The following POLR3C variants were observed in gnomAD, a reference collection of about 807,000 sequenced individuals.
The protein encoded by POLR3C is DNA-directed RNA polymerase III subunit RPC3.
Under a neutral mutation model 65.9 loss-of-function variants are expected in POLR3C, and 44 were observed. That is an observed-to-expected ratio of 0.67 (90% CI 0.52 to 0.86). POLR3C has a LOEUF of 0.86. POLR3C is among the 40% of genes least tolerant of loss of function. POLR3C has a pLI of 0.00. For missense variants in POLR3C, 576 were observed against 653.2 expected (o/e 0.88, Z 1.29); for synonymous variants, 263 against 231.6 (o/e 1.14, Z -1.23).
In POLR3C at chr1:145,825,844, A is replaced by G; in HGVS notation, c.68A>G (p.Lys23Arg). 1 of 1,613,518 alleles carries G rather than the reference A, an allele frequency of 6.2e-7. No homozygotes were observed. The highest frequency in any genetic ancestry group is 8.5e-7 in the Non-Finnish European group (1 of 1,179,392). ...LQEHFGEIVE[K>R]IGVHLIRTGS... is the part of the protein sequence containing the mutation. The stretch of plus-strand genomic sequence containing the variant: ...GAGCATTTTGGAGAGATTGTAGAAA[A>G]AATTGGAGTCCATCTGATAAGAACC... Residue 23 changes from lysine (K) to arginine (R), a missense_variant, in exon 2 of 15, where the codon AAA becomes AGA. Physicochemically the swap from Lys to Arg is conservative, Grantham distance 26. Transcript: ENST00000334163.
intron 5 of POLR3C, 29 bp from the exon 6 acceptor site, chr1:145,833,231 C>T (rs1366396352): frequency 7.3e-7 from 1 of 1,368,738 alleles, no homozygotes; most frequent in African/African-American, 1.4e-5. Context: ...TACACTATAG[C>T]TAAATGTTTC....
chr1:145,827,603 C>A (rs1553726171), intron 4 of POLR3C, among the ~76,000 whole-genome samples: 2 of 151,772 alleles, frequency 1.3e-5, no homozygotes, highest in Non-Finnish European at 2.9e-5. Flanking sequence ...ACTAAAAATA[C>A]AAAAAATTAG....
chr1:145,827,627 C>T (rs587675182), intron 4 of POLR3C, among the ~76,000 whole-genome samples: 1 of 151,928 alleles, frequency 6.6e-6, no homozygotes, highest in East Asian at 1.9e-4. Flanking sequence ...GGTGTGGTGG[C>T]GGGCATCTGT....
At chr1:145,833,184 G>T in intron 5 of POLR3C, 76 bp from the exon 6 acceptor site, 1 of 813,432 alleles carries the variant, frequency 1.2e-6, no homozygotes, top group South Asian at 1.6e-5. Context: ...AAAAGAAATG[G>T]TGAACCATTA....
chr1:145,832,133 TTAAATA>T (rs1651386377), intron 5 of POLR3C, among the ~76,000 whole-genome samples: 1 of 152,134 alleles, frequency 6.6e-6, no homozygotes, highest in South Asian at 2.1e-4. Context: ...TTCCAAAAGG[TTAAATA>T]AGATCAGAAG....
In POLR3C at chr1:145,826,536, C is replaced by T; in HGVS notation, c.230C>T (p.Ala77Val). The T allele has an allele frequency of 6.2e-7, 1 of 1,613,770 alleles. No individual in the cohort carries two copies. Among genetic ancestry groups the T allele is most frequent in the Non-Finnish European group, 8.5e-7 (1 of 1,179,882 alleles). ...AAACGTGGTGTGGTGGAGTATGAAG[C>T]CCAGTGCAGCCGGGTATTGCGAATG... ...VHKRGVVEYE[A>V]QCSRVLRMLR... Residue 77 changes from alanine to valine, a missense_variant, in exon 3 of 15, where the codon GCC (alanine) becomes GTC (valine). Physicochemically the swap from Ala to Val is moderately conservative, Grantham distance 64. Transcript: ENST00000334163.
chr1:145,826,381 C>G, intron 2 of POLR3C, 73 bp from the exon 3 acceptor site: 1 of 1,420,130 alleles, frequency 7.0e-7, no homozygotes, highest in South Asian at 1.2e-5. Flanking sequence ...AGCTGTTGGA[C>G]AAAAAATTGC....
intron 5 of POLR3C, among the ~76,000 whole-genome samples, chr1:145,831,313 G>A (rs1479627454): frequency 6.6e-6 from 1 of 151,932 alleles, no homozygotes; most frequent in Non-Finnish European, 1.5e-5. Flanking sequence ...TCAGGAGTTC[G>A]AGACCAGCCT....
intron 4 of POLR3C, among the ~76,000 whole-genome samples, chr1:145,827,785 A>T (rs1650907530): frequency 7.0e-6 from 1 of 143,672 alleles, no homozygotes; most frequent in South Asian, 2.1e-4. Flanking sequence ...AAAAATAGCC[A>T]GGTATGGTGG....
chr1:145,832,227 T>C (rs1651393286), intron 5 of POLR3C, among the ~76,000 whole-genome samples: 1 of 152,184 alleles, frequency 6.6e-6, no homozygotes, highest in Non-Finnish European at 1.5e-5. Context: ...CGAGTGACAA[T>C]TGACATTTCA....
At position 145,826,804 on chromosome 1, in the gene POLR3C, T is replaced by G; in HGVS notation, c.404-16T>G. 6.2e-7 allele frequency: 1 copy of G among 1,605,144 alleles called. No homozygotes were observed. The highest frequency in any genetic ancestry group is 8.5e-7 in the Non-Finnish European group (1 of 1,173,950). On this transcript the variant is annotated splice_polypyrimidine_tract_variant and intron_variant, in intron 3 of 14. Transcript: ENST00000334163. Reference sequence around the variant, plus strand: ...TCTTAGGCCATCTCATCTGCCTTTTTCCTCCTGTTATACAGATGGCAAGAC... The same window carrying G: ...TCTTAGGCCATCTCATCTGCCTTTTGCCTCCTGTTATACAGATGGCAAGAC...
At chr1:145,836,780 TC>T (rs782007092) in intron 8 of POLR3C, 34 bp from the exon 9 acceptor site, 18 of 1,404,990 alleles carry the variant, frequency 1.3e-5, no homozygotes, top group Non-Finnish European at 1.6e-5. Context: ...CACTGGACTT[TC>T]CGTTCAGTTA....
At position 145,842,820 on chromosome 1, in the gene POLR3C, T is replaced by TAGATAGATAGATAGA. The variant is rs1652396702; in HGVS notation, c.*400_*401insAGATAGATAGATAGA. ...ATAGATAGATAGATAGATAGATAAT[T>TAGATAGATAGATAGA]TGTTGTTGTTGAGACAGGATCTCAC... On this transcript the variant is annotated 3_prime_UTR_variant, in exon 15 of 15. Coordinates refer to ENST00000334163, the MANE Select transcript of POLR3C (RefSeq NM_006468.8). 6.6e-6 allele frequency among the ~76,000 whole-genome samples: 1 copy of TAGATAGATAGATAGA among 152,102 alleles called. No individual in the cohort carries two copies. The highest frequency in any genetic ancestry group is 6.5e-5 in the Admixed American group (1 of 15,274).
chr1:145,837,707 AT>A, intron 10 of POLR3C, 111 bp downstream of exon 10: 3 of 789,388 alleles, frequency 3.8e-6, no homozygotes, highest in Admixed American at 2.0e-5. Flanking sequence ...ACTTTTCCCC[AT>A]TTTTTCACTG....
intron 5 of POLR3C, among the ~76,000 whole-genome samples, chr1:145,830,503 G>A (rs1559144345): frequency 1.3e-5 from 2 of 152,122 alleles, no homozygotes; most frequent in Non-Finnish European, 2.9e-5. Context: ...TGTAGCTTAA[G>A]AAATCGGGTT....
chr1:145,828,746 C>T lies in POLR3C; in HGVS notation c.590-3C>T. 1.3e-6 allele frequency: 2 copies of T among 1,597,870 alleles called. No homozygotes were observed. The highest frequency in any genetic ancestry group is 1.7e-6 in the Non-Finnish European group (2 of 1,165,334). On this transcript the variant is annotated splice_region_variant and splice_polypyrimidine_tract_variant and intron_variant, in intron 4 of 14. Transcript: ENST00000334163. ...TCTAAGTGTTTAATTGTTTGTTTGGCAGGGAAAGGTAAAAGGAGGAGATCA... is the reference window on the plus strand; with the variant it reads ...TCTAAGTGTTTAATTGTTTGTTTGGTAGGGAAAGGTAAAAGGAGGAGATCA...
intron 9 of POLR3C, 50 bp downstream of exon 9, chr1:145,836,916 C>CAGA: frequency 1.1e-6 from 1 of 882,638 alleles, no homozygotes; most frequent in Non-Finnish European, 1.9e-6. Flanking sequence ...ACCTATAAAT[C>CAGA]AGAATGGTGC....
chr1:145,824,285 A>G lies in POLR3C; in HGVS notation c.-105A>G, dbSNP rs936658491. The G allele has an allele frequency of 9.7e-6, 3 of 307,998 alleles. No individual in the cohort carries two copies. The highest frequency in any genetic ancestry group is 4.8e-5 in the Admixed American group (1 of 20,924). The allele number at this position is 307,998 out of a possible 1,614,324, so 19.1% of individuals were successfully genotyped here. A position where few individuals can be genotyped will look rare whatever the true frequency, so the allele number is the denominator to read the frequency against. The stretch of plus-strand genomic sequence containing the variant: ...AGGGCGGTGGGCTCCACCTCGGCCT[A>G]GAAGGCCAGCGGGAGCCGTAGGAAG... On this transcript the variant is annotated 5_prime_UTR_variant, in exon 1 of 15. Transcript: ENST00000334163.
rs1652395870 is a variant in POLR3C at position 145,842,819 on chromosome 1, T to TAGA, written c.*399_*400insAGA. Among the ~76,000 whole-genome samples, 2 of 76,238 alleles carry TAGA rather than the reference T, an allele frequency of 2.6e-5. No individual in the cohort carries two copies. Among genetic ancestry groups the TAGA allele is most frequent in the Admixed American group, 1.2e-4 (1 of 8,052 alleles). The allele number at this position is 76,238 out of a possible 152,430, so 50.0% of individuals were successfully genotyped here. ...GATAGATAGATAGATAGATAGATAA[T>TAGA]TTGTTGTTGTTGAGACAGGATCTCA... On this transcript the variant is annotated 3_prime_UTR_variant, in exon 15 of 15. Coordinates refer to ENST00000334163, the MANE Select transcript of POLR3C (RefSeq NM_006468.8).
Sources: gnomAD v4.1 joint callset for allele counts (sites outside exome capture counted in the v4.1 genomes callset) on GRCh38, gnomAD v4.1.1 for gene constraint, MANE v1.5 for transcripts, NCBI Gene and HGNC (gene_info 2026-07-23, HGNC 2026-07-21) for gene names.